The following GSTZ1 variants were observed in gnomAD, a reference collection of about 807,000 sequenced individuals.
The protein encoded by GSTZ1 is maleylacetoacetate isomerase.
Under a neutral mutation model 35.9 loss-of-function variants are expected in GSTZ1, and 34 were observed. The ratio of observed to expected loss-of-function variants is 0.95; its 90% confidence interval spans 0.72 to 1.26. The LOEUF (loss-of-function observed/expected upper bound fraction) is 1.26. Ranked by LOEUF, GSTZ1 falls within the 50% of genes most tolerant of loss-of-function variation. GSTZ1 has a pLI of 0.00. For missense variants in GSTZ1, 263 were observed against 271.7 expected (o/e 0.97, Z 0.23); for synonymous variants, 93 against 101.2 (o/e 0.92, Z 0.49).
Position 77,321,274 on chromosome 14 carries a change from A to C in GSTZ1, c.15+91A>C, listed in dbSNP as rs909942526. 7 of 1,524,596 alleles carry C rather than the reference A, an allele frequency of 4.6e-6. No homozygotes were observed. The African/African-American group carries it at 8.3e-5, about 18-fold the overall frequency. The allele number at this position is 1,524,596 out of a possible 1,614,324, so 94.4% of individuals were successfully genotyped here. ...CAGAAGTGAGCTGCACCGCCCGCCC[A>C]GGCCGACAACGACTCCCGGCATGCA... On this transcript the variant is annotated intron_variant, in intron 1 of 8. Coordinates refer to ENST00000216465, the MANE Select transcript of GSTZ1 (RefSeq NM_145870.3).
At chr14:77,329,257 C>T (rs1892487493) in intron 6 of GSTZ1, 56 bp downstream of exon 6, 7 of 1,123,960 alleles carry the variant, frequency 6.2e-6, no homozygotes, top group East Asian at 2.3e-5. Flanking sequence ...GTATGGCCCT[C>T]GCACACAGGG....
chr14:77,321,273 C>T, intron 1 of GSTZ1, 90 bp downstream of exon 1: 1 of 1,524,872 alleles, frequency 6.6e-7, no homozygotes, highest in Non-Finnish European at 8.9e-7. Flanking sequence ...ACCGCCCGCC[C>T]AGGCCGACAA....
Position 77,331,058 on chromosome 14 carries a change from C to G in GSTZ1, c.525-11C>G. On this transcript the variant is annotated splice_polypyrimidine_tract_variant and intron_variant, in intron 8 of 8. Transcript: ENST00000216465. Reference sequence around the variant, plus strand: ...GAAAACCTTAGCTTAGCAGGTGTTTCTCTACTACAGATTCAAGGTGGATCT... The same window carrying G: ...GAAAACCTTAGCTTAGCAGGTGTTTGTCTACTACAGATTCAAGGTGGATCT... 6.2e-7 allele frequency: 1 copy of G among 1,612,896 alleles called. No homozygotes were observed. Among genetic ancestry groups the G allele is most frequent in the Non-Finnish European group, 8.5e-7 (1 of 1,179,174 alleles).
intron 1 of GSTZ1, chr14:77,323,278 A>AT (rs994974609): frequency 3.3e-5 from 5 of 152,068 alleles, no homozygotes; most frequent in African/African-American, 1.2e-4. Context: ...CTGTCTCCAG[A>AT]TTTTTTTAAA....
chr14:77,327,870 G>A (rs765769409), intron 4 of GSTZ1, 42 bp from the exon 5 acceptor site: 51 of 1,609,052 alleles, frequency 3.2e-5, no homozygotes, highest in Non-Finnish European at 4.1e-5. Context: ...TGGTCCAGGG[G>A]TCCTGGGCCC....
chr14:77,322,184 A>G (rs1892046956), intron 1 of GSTZ1, among the ~76,000 whole-genome samples: 1 of 152,186 alleles, frequency 6.6e-6, no homozygotes, highest in Non-Finnish European at 1.5e-5. Flanking sequence ...TCTTTTTCTC[A>G]AATCATGTGT....
intron 7 of GSTZ1, 182 bp downstream of exon 7, chr14:77,329,989 C>A: frequency 1.5e-6 from 1 of 650,398 alleles, no homozygotes; most frequent in Admixed American, 2.2e-5. Flanking sequence ...AGAAGACTGG[C>A]TGTGAGAGGA....
chr14:77,330,229 A>G lies in GSTZ1; in HGVS notation c.475-81A>G, dbSNP rs8177572. 1.2e-3 allele frequency: 1,153 copies of G among 936,122 alleles called. 11 individuals carry two copies. The African/African-American group carries it at 0.017, about 14-fold the overall frequency. The allele number at this position is 936,122 out of a possible 1,614,324, so 58.0% of individuals were successfully genotyped here. On this transcript the variant is annotated intron_variant, in intron 7 of 8. Transcript: ENST00000216465. ...GAAGCAGATTGTTGGTACCCCCAGT[A>G]GAGTCGCAGTGGACACACCCAGTCC...
Position 77,327,380 on chromosome 14 carries a change from G to T in GSTZ1, c.136-92G>T, listed in dbSNP as rs1892374625. On this transcript the variant is annotated intron_variant, in intron 3 of 8. Coordinates refer to ENST00000216465, the MANE Select transcript of GSTZ1 (RefSeq NM_145870.3). ...CTTCCCAGGGAAGGGAGATGGGGGTGGGTGGCAGGCCTGGGGTTCTCCTGC... is the reference window on the plus strand; with the variant it reads ...CTTCCCAGGGAAGGGAGATGGGGGTTGGTGGCAGGCCTGGGGTTCTCCTGC... 41 of 746,570 alleles carry T rather than the reference G, an allele frequency of 5.5e-5. No homozygotes were observed. The South Asian group carries it at 6.0e-4, about 11-fold the overall frequency. The allele number at this position is 746,570 out of a possible 1,614,324, so 46.2% of individuals were successfully genotyped here. A position where few individuals can be genotyped will look rare whatever the true frequency, so the allele number is the denominator to read the frequency against.
In GSTZ1 at chr14:77,321,096, T is replaced by C; in HGVS notation, c.-73T>C. The C allele has an allele frequency of 7.2e-7, 1 of 1,398,524 alleles. No homozygotes were observed. Among genetic ancestry groups the C allele is most frequent in the Non-Finnish European group, 9.5e-7 (1 of 1,055,246 alleles). The allele number at this position is 1,398,524 out of a possible 1,614,324, so 86.6% of individuals were successfully genotyped here. On this transcript the variant is annotated 5_prime_UTR_variant, in exon 1 of 9. Coordinates refer to ENST00000216465, the MANE Select transcript of GSTZ1 (RefSeq NM_145870.3). ...ACGGGCCTGATTCGTCGAGTCTCAC[T>C]GAGCCTTAGTCGTCGGCAGGTCCCA...
At chr14:77,325,132 GT>G (rs1892255303) in intron 2 of GSTZ1, 2 of 578,556 alleles carry the variant, frequency 3.5e-6, no homozygotes, top group Non-Finnish European at 3.1e-6. Context: ...GAAGGGGGTT[GT>G]TTTTTCCCTT....
chr14:77,324,600 A>G lies in GSTZ1; in HGVS notation c.16-270A>G, dbSNP rs113602814. Reference sequence around the variant, plus strand: ...TCCTGGGAGGCTGAGGGTCACCACGATACCATGACAGAGTCTGGCAAGGTA... The same window carrying G: ...TCCTGGGAGGCTGAGGGTCACCACGGTACCATGACAGAGTCTGGCAAGGTA... On this transcript the variant is annotated intron_variant, in intron 1 of 8. Transcript: ENST00000216465. 1.7e-3 allele frequency: 2,533 copies of G among 1,534,498 alleles called. 50 individuals are homozygous for G. The African/African-American group carries it at 0.029, about 17-fold the overall frequency.
chr14:77,324,425 C>T (rs370343655), intron 1 of GSTZ1: 103 of 651,228 alleles, frequency 1.6e-4, no homozygotes, highest in Middle Eastern at 1.4e-3. Context: ...GGATTACAGG[C>T]GTGAGCCACT....
intron 7 of GSTZ1, 138 bp from the exon 8 acceptor site, chr14:77,330,172 C>T (rs1002177697): frequency 1.4e-5 from 11 of 794,142 alleles, no homozygotes; most frequent in Non-Finnish European, 2.5e-5. Context: ...CTAGGGCAGA[C>T]AAGAATTGGA....
In GSTZ1 at chr14:77,326,859, A is replaced by T. The variant is rs1892342975; in HGVS notation, c.89A>T (p.Asp30Val). 1 of 1,607,506 alleles carries T rather than the reference A, an allele frequency of 6.2e-7. No individual in the cohort carries two copies. Among genetic ancestry groups the T allele is most frequent in the Non-Finnish European group, 8.5e-7 (1 of 1,176,398 alleles). Residue 30 changes from aspartate to valine, a missense_variant, in exon 3 of 9, where the codon GAC becomes GTC. Transcript: ENST00000216465. ...CTAGCTCTGGCCTTGAAAGGCATCGACTACGAGACGGTGCCCATCAATCTC... is the reference window on the plus strand; with the variant it reads ...CTAGCTCTGGCCTTGAAAGGCATCGTCTACGAGACGGTGCCCATCAATCTC... Reference protein sequence around the residue: ...VRIALALKGIDYETVPINLIK... With the variant: ...VRIALALKGIVYETVPINLIK...
intron 1 of GSTZ1, chr14:77,322,809 C>A: frequency 3.3e-6 from 2 of 597,366 alleles, no homozygotes; most frequent in Non-Finnish European, 4.2e-6. Context: ...TACACCCTTG[C>A]CATCTAGCAG....
At chr14:77,324,300 A>G (rs962185213) in intron 1 of GSTZ1, 40 of 416,020 alleles carry the variant, frequency 9.6e-5, no homozygotes, top group Non-Finnish European at 1.6e-4. Flanking sequence ...CCACTACCAC[A>G]CCTGGCTGAT....
At chr14:77,325,093 ACC>A (rs1178269446) in intron 2 of GSTZ1, 172 bp downstream of exon 2, 1 of 632,234 alleles carries the variant, frequency 1.6e-6, no homozygotes, top group Non-Finnish European at 2.9e-6. Flanking sequence ...TGGCATCTCC[ACC>A]CCGGAAACAC....
intron 8 of GSTZ1, 88 bp from the exon 9 acceptor site, chr14:77,330,981 G>A: frequency 3.7e-6 from 5 of 1,349,142 alleles, no homozygotes; most frequent in Non-Finnish European, 5.2e-6. Flanking sequence ...ACCTCATCCA[G>A]CCCTGCCTCT....
Sources: allele counts gnomAD v4.1 joint callset (sites outside exome capture counted in the v4.1 genomes callset), GRCh38; gene constraint gnomAD v4.1.1; transcripts MANE v1.5; gene names NCBI Gene and HGNC (gene_info 2026-07-23, HGNC 2026-07-21).